The following RAB11A variants were observed in gnomAD, a reference collection of about 807,000 sequenced individuals.
The protein encoded by RAB11A is RAB11A, member RAS oncogene family, also known as ras-related protein Rab-11A.
A neutral mutation model predicts 28.0 loss-of-function variants in RAB11A; 9 were observed. The observed-to-expected ratio is 0.32, with a 90% CI of 0.19 to 0.56. The LOEUF (loss-of-function observed/expected upper bound fraction) is 0.56. Ranked by LOEUF, RAB11A falls within the 20% of genes least tolerant of loss-of-function variation. RAB11A has a pLI of 0.91. For synonymous variants in RAB11A, 85 were observed against 88.2 expected, an observed-to-expected ratio of 0.96 and a Z score of 0.20; for missense variants, 108 against 269.6, an observed-to-expected ratio of 0.40 and a Z score of 4.20.
In RAB11A at chr15:65,869,531, C is replaced by CCCTGGTCCCACAGATACCACT. The variant is rs2078144584; in HGVS notation, c.-54_-34dup. On this transcript the variant is annotated 5_prime_UTR_variant, in exon 1 of 5. Coordinates refer to ENST00000261890, the MANE Select transcript of RAB11A (RefSeq NM_004663.5). ...CTCGGGTTACCCCTGCAGCGACGCC[C>CCCTGGTCCCACAGATACCACT]CCTGGTCCCACAGATACCACTGCTG... 22 of 1,596,830 alleles carry CCCTGGTCCCACAGATACCACT rather than the reference C, an allele frequency of 1.4e-5. No individual in the cohort carries two copies. The South Asian group carries it at 2.2e-4, about 16-fold the overall frequency.
Position 65,877,627 on chromosome 15 carries a change from G to A in RAB11A, c.236+100G>A. The A allele has an allele frequency of 9.5e-6, 13 of 1,373,220 alleles. No individual in the cohort carries two copies. Among genetic ancestry groups the A allele is most frequent in the Non-Finnish European group, 1.3e-5 (13 of 1,014,974 alleles). The allele number at this position is 1,373,220 out of a possible 1,614,324, so 85.1% of individuals were successfully genotyped here. On this transcript the variant is annotated intron_variant, in intron 2 of 4. Coordinates refer to ENST00000261890, the MANE Select transcript of RAB11A (RefSeq NM_004663.5). The surrounding 1 kb of genome is among the most constrained non-coding windows in gnomAD (Gnocchi z 4.1). ...AAGAACTGTTGTTTTTTTCTTTTAA[G>A]AATTCTAGTATTAGGAATCCTTAGA...
intron 3 of RAB11A, among the ~76,000 whole-genome samples, chr15:65,879,098 A>G (rs868752975): frequency 2.0e-4 from 30 of 149,302 alleles, no homozygotes; most frequent in African/African-American, 7.2e-4. Flanking sequence ...GGCTCTAGTG[A>G]TCTTCCACCT....
At chr15:65,878,534 CCGGGCGCGGTGG>C (rs1331546890) in intron 3 of RAB11A, among the ~76,000 whole-genome samples, 2 of 152,254 alleles carry the variant, frequency 1.3e-5, no homozygotes, top group Admixed American at 1.3e-4. Flanking sequence ...ATACAAAAAA[CCGGGCGCGGTGG>C]CGGGCGCCTG....
rs1377483431 is a variant in RAB11A at position 65,891,653 on chromosome 15, GTTTAAA to G, written c.*3819_*3824del. ...CCAAATTATTAACATTTTAACTCAA[GTTTAAA>G]TTTAATAGAGAAGTCAAAATGAGGT... On this transcript the variant is annotated 3_prime_UTR_variant, in exon 5 of 5. Coordinates refer to ENST00000261890, the MANE Select transcript of RAB11A (RefSeq NM_004663.5). 2 of 152,196 alleles carry G rather than the reference GTTTAAA, an allele frequency of 1.3e-5. No individual in the cohort carries two copies. Among genetic ancestry groups the G allele is most frequent in the East Asian group, 1.9e-4 (1 of 5,202 alleles). 9.4% of individuals were successfully genotyped at this position (152,196 alleles called of 1,614,324 possible). A position where few individuals can be genotyped will look rare whatever the true frequency, so the allele number is the denominator to read the frequency against.
intron 1 of RAB11A, 47 bp downstream of exon 1, chr15:65,869,672 C>T: frequency 1.9e-6 from 3 of 1,576,022 alleles, no homozygotes; most frequent in Non-Finnish European, 2.6e-6. Context: ...GTTCGGGGAC[C>T]CGGGCCACTC....
rs2141110975 is a variant in RAB11A at position 65,889,169 on chromosome 15, CA to C, written c.*1334del. The C allele has an allele frequency of 1.3e-5, 2 of 152,718 alleles. 1 individual carries two copies. Among genetic ancestry groups the C allele is most frequent in the South Asian group, 4.1e-4 (2 of 4,828 alleles). The allele number at this position is 152,718 out of a possible 1,614,324, so 9.5% of individuals were successfully genotyped here. A position where few individuals can be genotyped will look rare whatever the true frequency, so the allele number is the denominator to read the frequency against. ...ACTATTCAGGATGGTGGGAAATCCC[CA>C]AAAATATGTATGTGTGGGCTTGCTT... On this transcript the variant is annotated 3_prime_UTR_variant, in exon 5 of 5. Coordinates refer to ENST00000261890, the MANE Select transcript of RAB11A (RefSeq NM_004663.5).
At chr15:65,875,652 C>T (rs989677133) in intron 1 of RAB11A, among the ~76,000 whole-genome samples, 7 of 152,198 alleles carry the variant, frequency 4.6e-5, no homozygotes, top group African/African-American at 1.7e-4. Flanking sequence ...TGATTTCTTG[C>T]TGAATCAGCT....
At chr15:65,881,595 G>C (rs997930678) in intron 4 of RAB11A, among the ~76,000 whole-genome samples, 2 of 152,122 alleles carry the variant, frequency 1.3e-5, no homozygotes, top group African/African-American at 4.8e-5. Context: ...GTGAAGATGA[G>C]CCCAAGTCTT....
rs966852807 is a variant in RAB11A, at chr15:65,888,667, A to G, written c.*827A>G. The stretch of plus-strand genomic sequence containing the variant: ...TTATGTGGCATTTTATTGCTCAGGC[A>G]ATAATTGGTTTAATGCTGGTAGTGT... On this transcript the variant is annotated 3_prime_UTR_variant, in exon 5 of 5. Coordinates refer to ENST00000261890, the MANE Select transcript of RAB11A (RefSeq NM_004663.5). 6.6e-6 allele frequency: 1 copy of G among 152,656 alleles called. No homozygotes were observed. The allele number at this position is 152,656 out of a possible 1,614,324, so 9.5% of individuals were successfully genotyped here.
In RAB11A at chr15:65,877,616, T is replaced by C. The variant is rs2078197776; in HGVS notation, c.236+89T>C. ...GGTATTGGAAAAAGAACTGTTGTTT[T>C]TTTCTTTTAAGAATTCTAGTATTAG... On this transcript the variant is annotated intron_variant, in intron 2 of 4. Coordinates refer to ENST00000261890, the MANE Select transcript of RAB11A (RefSeq NM_004663.5). The surrounding 1 kb of genome is among the most constrained non-coding windows in gnomAD (Gnocchi z 4.1). The C allele has an allele frequency of 2.1e-6, 3 of 1,414,578 alleles. No homozygotes were observed. Among genetic ancestry groups the C allele is most frequent in the Non-Finnish European group, 2.9e-6 (3 of 1,048,272 alleles). The allele number at this position is 1,414,578 out of a possible 1,614,324, so 87.6% of individuals were successfully genotyped here. A position where few individuals can be genotyped will look rare whatever the true frequency, so the allele number is the denominator to read the frequency against.
intron 1 of RAB11A, among the ~76,000 whole-genome samples, chr15:65,870,540 G>A (rs992149450): frequency 6.6e-6 from 1 of 152,266 alleles, no homozygotes; most frequent in African/African-American, 2.4e-5. Flanking sequence ...TTGCGGATGG[G>A]TGGTGGCTGT....
intron 1 of RAB11A, among the ~76,000 whole-genome samples, chr15:65,870,810 G>T (rs180855367): frequency 1.5e-3 from 226 of 152,262 alleles, no homozygotes; most frequent in African/African-American, 5.2e-3. Flanking sequence ...GAACATATTG[G>T]AGGGTCAGGG....
intron 4 of RAB11A, among the ~76,000 whole-genome samples, chr15:65,885,931 G>C (rs1055278398): frequency 6.6e-6 from 1 of 152,240 alleles, no homozygotes; most frequent in Non-Finnish European, 1.5e-5. Context: ...GGGGATTACT[G>C]GGGAGGATGA....
At chr15:65,872,786 C>CT (rs1340902539) in intron 1 of RAB11A, among the ~76,000 whole-genome samples, 1 of 152,040 alleles carries the variant, frequency 6.6e-6, no homozygotes, top group Non-Finnish European at 1.5e-5. Flanking sequence ...TTTTCTTTTT[C>CT]TTTTTTAACT....
intron 1 of RAB11A, among the ~76,000 whole-genome samples, chr15:65,871,919 G>GTTTTTTTTTTT (rs960414631): frequency 2.8e-5 from 2 of 72,034 alleles, no homozygotes; most frequent in African/African-American, 1.1e-4. Flanking sequence ...GGTTTTGTCA[G>GTTTTTTTTTTT]TTTTTTTTTT....
intron 1 of RAB11A, among the ~76,000 whole-genome samples, chr15:65,874,390 C>T (rs1370191283): frequency 1.3e-5 from 2 of 151,934 alleles, no homozygotes; most frequent in Admixed American, 6.6e-5. Context: ...TACGGGCATG[C>T]GCCACCACAC....
intron 3 of RAB11A, 98 bp downstream of exon 3, chr15:65,878,053 A>T (rs754764768): frequency 3.4e-6 from 4 of 1,169,618 alleles, no homozygotes; most frequent in Admixed American, 3.4e-5. Flanking sequence ...TCAGAGAGGT[A>T]AACATGAATG....
At position 65,873,426 on chromosome 15, in the gene RAB11A, T is replaced by C. The variant is rs193153362; in HGVS notation, c.40+3801T>C. Among the ~76,000 whole-genome samples, 400 of 152,340 alleles carry C rather than the reference T, an allele frequency of 2.6e-3. 3 individuals carry two copies. The highest frequency in any genetic ancestry group is 4.4e-3 in the Non-Finnish European group (300 of 68,038). ...TCAGTAGAAATTATCATAGGAACTT[T>C]GCTGTCTTGCATCTTGGTAGTAGTT... On this transcript the variant is annotated intron_variant, in intron 1 of 4. Coordinates refer to ENST00000261890, the MANE Select transcript of RAB11A (RefSeq NM_004663.5).
intron 1 of RAB11A, among the ~76,000 whole-genome samples, chr15:65,874,323 A>C (rs575453427): frequency 2.7e-5 from 4 of 150,758 alleles, no homozygotes; most frequent in Admixed American, 6.6e-5. Flanking sequence ...GCTTACTGCA[A>C]CCTCCGCCTC....
Sources: allele counts gnomAD v4.1 joint callset (sites outside exome capture counted in the v4.1 genomes callset), GRCh38; gene constraint gnomAD v4.1.1; non-coding constraint Gnocchi (gnomAD v3.1); transcripts MANE v1.5; gene names NCBI Gene and HGNC (gene_info 2026-07-23, HGNC 2026-07-21).